The following MSRA variants were observed in gnomAD, a reference collection of about 807,000 sequenced individuals.
The protein encoded by MSRA is mitochondrial peptide methionine sulfoxide reductase.
Under a neutral mutation model 31.3 loss-of-function variants are expected in MSRA, and 54 were observed. The observed-to-expected ratio is 1.73, with a 90% CI of 1.39 to 2.17. The LOEUF (loss-of-function observed/expected upper bound fraction) is 2.17. Among genes scored for constraint, MSRA ranks in the 30% most tolerant of loss-of-function variants. The pLI, the probability that MSRA is intolerant of heterozygous loss-of-function variation, is 0.00. For missense variants in MSRA, 507 were observed against 300.9 expected (o/e 1.69, Z -5.07); for synonymous variants, 169 against 116.5 (o/e 1.45, Z -2.90).
At chr8:10,365,267 C>A (rs531132618) in intron 5 of MSRA, among the ~76,000 whole-genome samples, 1 of 152,216 alleles carries the variant, frequency 6.6e-6, no homozygotes, top group Non-Finnish European at 1.5e-5. Flanking sequence ...ACCCCTCCCC[C>A]GCTCCCTCCG....
At chr8:10,346,988 G>T (rs577222490) in intron 5 of MSRA, among the ~76,000 whole-genome samples, 61 of 152,298 alleles carry the variant, frequency 4.0e-4, no homozygotes, top group Non-Finnish European at 7.8e-4. Context: ...AGGTGCTGCT[G>T]TTACTTGTTC....
intron 1 of MSRA, among the ~76,000 whole-genome samples, chr8:10,112,796 T>G (rs1244747409): frequency 1.3e-5 from 2 of 152,056 alleles, no homozygotes; most frequent in Non-Finnish European, 2.9e-5. Context: ...TTTTTCTCTT[T>G]CTCAAACTTG....
At chr8:10,401,323 C>G (rs867538510) in intron 5 of MSRA, among the ~76,000 whole-genome samples, 2 of 152,174 alleles carry the variant, frequency 1.3e-5, no homozygotes, top group African/African-American at 2.4e-5. Context: ...AATCATGAGT[C>G]ACTGAGGCAA....
intron 4 of MSRA, 34 bp from the exon 5 acceptor site, chr8:10,319,849 A>G (rs1333358855): frequency 2.9e-6 from 4 of 1,361,574 alleles, no homozygotes; most frequent in South Asian, 3.4e-5. Flanking sequence ...TCGCCTAGTG[A>G]CCGGGTAACC....
chr8:10,223,402 A>G (rs1001531757), intron 2 of MSRA, among the ~76,000 whole-genome samples: 2 of 152,236 alleles, frequency 1.3e-5, no homozygotes, highest in African/African-American at 2.4e-5. Context: ...AAATAAGACT[A>G]TAATGTATCG....
chr8:10,201,827 C>A (rs549847182), intron 1 of MSRA, among the ~76,000 whole-genome samples: 1 of 152,366 alleles, frequency 6.6e-6, no homozygotes, highest in South Asian at 2.1e-4. Flanking sequence ...AAATCTGTTT[C>A]TTGTCCTCAT....
intron 5 of MSRA, among the ~76,000 whole-genome samples, chr8:10,336,225 T>G (rs1365026946): frequency 6.6e-6 from 1 of 152,178 alleles, no homozygotes; most frequent in East Asian, 1.9e-4. Flanking sequence ...ACAAAATCTT[T>G]TAATAAAATA....
rs555057845 is a variant in MSRA at position 10,389,477 on chromosome 8, G to T, written c.544-38671G>T. Among the ~76,000 whole-genome samples, 14 of 152,336 alleles carry T rather than the reference G, an allele frequency of 9.2e-5. No homozygotes were observed. In the South Asian group the frequency reaches 2.9e-3, roughly 32 times the overall value. ...AATTAATTTGTCATTGTTATGTTCT[G>T]CCATCCAATTACAAGTTTCTTGTTA... On this transcript the variant is annotated intron_variant, in intron 5 of 5. Transcript: ENST00000317173.
At chr8:10,323,997 C>T (rs1802215040) in intron 5 of MSRA, among the ~76,000 whole-genome samples, 1 of 152,154 alleles carries the variant, frequency 6.6e-6, no homozygotes, top group South Asian at 2.1e-4. Context: ...CCCTAGATTC[C>T]ACTGGGAGAT....
At chr8:10,245,413 G>A (rs1797572192) in intron 3 of MSRA, among the ~76,000 whole-genome samples, 190 bp downstream of exon 3, 1 of 152,198 alleles carries the variant, frequency 6.6e-6, no homozygotes, top group African/African-American at 2.4e-5. Context: ...TTCCTGTGGA[G>A]TGCACCATTT....
chr8:10,378,621 C>A (rs1433442337), intron 5 of MSRA, among the ~76,000 whole-genome samples: 1 of 152,200 alleles, frequency 6.6e-6, no homozygotes, highest in Non-Finnish European at 1.5e-5. Flanking sequence ...CTAACATCCC[C>A]CTCAGCAGCT....
chr8:10,240,502 T>C (rs148772392), intron 2 of MSRA, among the ~76,000 whole-genome samples: 1 of 152,332 alleles, frequency 6.6e-6, no homozygotes, highest in Non-Finnish European at 1.5e-5. Context: ...AGATGCCCTC[T>C]GGCTGGCATT....
chr8:10,073,772 C>T (rs2128919509), intron 1 of MSRA, among the ~76,000 whole-genome samples: 1 of 152,228 alleles, frequency 6.6e-6, no homozygotes, highest in South Asian at 2.1e-4. Flanking sequence ...TCAACGGTAG[C>T]ATTTGGGGTA....
intron 5 of MSRA, among the ~76,000 whole-genome samples, chr8:10,409,038 G>A (rs1331948360): frequency 6.6e-6 from 1 of 152,182 alleles, no homozygotes; most frequent in Non-Finnish European, 1.5e-5. Context: ...TCTGAGTGCA[G>A]GTGTCTTTTT....
At chr8:10,207,996 TG>T in intron 2 of MSRA, 95 bp downstream of exon 2, 1 of 913,828 alleles carries the variant, frequency 1.1e-6, no homozygotes, top group Admixed American at 2.6e-5. Context: ...CTTCAAAATC[TG>T]GGCTCTTCTA....
intron 5 of MSRA, among the ~76,000 whole-genome samples, chr8:10,394,775 A>G (rs1444446368): frequency 6.6e-6 from 1 of 152,232 alleles, no homozygotes; most frequent in Non-Finnish European, 1.5e-5. Context: ...AGACACTAGG[A>G]GGCACAAATG....
intron 1 of MSRA, among the ~76,000 whole-genome samples, chr8:10,100,711 C>T (rs552699592): frequency 6.6e-6 from 1 of 152,216 alleles, no homozygotes; most frequent in East Asian, 1.9e-4. Context: ...AAAAGTTTGG[C>T]CGTGAGTTGT....
At chr8:10,179,793 G>A (rs1035276909) in intron 1 of MSRA, among the ~76,000 whole-genome samples, 1 of 152,196 alleles carries the variant, frequency 6.6e-6, no homozygotes, top group Non-Finnish European at 1.5e-5. Flanking sequence ...AGAGGTTGAA[G>A]GTAAAGCGCT....
intron 1 of MSRA, among the ~76,000 whole-genome samples, chr8:10,166,552 T>C (rs779078259): frequency 2.0e-5 from 3 of 152,186 alleles, no homozygotes; most frequent in Admixed American, 6.5e-5. Flanking sequence ...TGCATTTGTA[T>C]GGGGTTGTTT....
Sources: gnomAD v4.1 joint callset for allele counts (sites outside exome capture counted in the v4.1 genomes callset) on GRCh38, gnomAD v4.1.1 for gene constraint, MANE v1.5 for transcripts, NCBI Gene and HGNC (gene_info 2026-07-23, HGNC 2026-07-21) for gene names.